CDH13: variants seen among roughly 807,000 people sequenced by gnomAD.
CDH13 encodes cadherin 13, also known as cadherin-13.
A neutral mutation model predicts 63.8 loss-of-function variants in CDH13; 24 were observed. That is an observed-to-expected ratio of 0.38 (90% confidence interval 0.27 to 0.53). CDH13 has a LOEUF of 0.53. Ranked by LOEUF, CDH13 falls within the 20% of genes least tolerant of loss-of-function variation. CDH13 has a pLI of 0.85. For synonymous variants in CDH13, 503 were observed against 355.3 expected (o/e 1.42, Z -4.67); for missense variants, 1,049 against 903.1 (o/e 1.16, Z -2.07).
intron 2 of CDH13, among the ~76,000 whole-genome samples, chr16:83,002,912 C>T (rs1383127719): frequency 2.6e-5 from 4 of 152,180 alleles, no homozygotes; most frequent in Admixed American, 2.0e-4. Flanking sequence ...TCAATTTACC[C>T]ATTGACTTAA....
At chr16:83,750,107 C>T (rs1013376111) in intron 11 of CDH13, among the ~76,000 whole-genome samples, 2 of 152,020 alleles carry the variant, frequency 1.3e-5, no homozygotes, top group African/African-American at 4.8e-5. Flanking sequence ...ACCAGCCTGG[C>T]CAATATGGTG....
chr16:82,664,948 T>C (rs1474296231), intron 1 of CDH13, among the ~76,000 whole-genome samples: 1 of 152,236 alleles, frequency 6.6e-6, no homozygotes, highest in Admixed American at 6.5e-5. Context: ...TCATTATTCA[T>C]GAATTCTGTC....
intron 6 of CDH13, among the ~76,000 whole-genome samples, chr16:83,384,677 G>C (rs989248687): frequency 6.6e-6 from 1 of 152,204 alleles, no homozygotes; most frequent in Non-Finnish European, 1.5e-5. Flanking sequence ...GGGGAGAGTG[G>C]TGAAGAGGAG....
chr16:83,318,541 G>T (rs1597733858), intron 5 of CDH13, among the ~76,000 whole-genome samples: 3 of 152,330 alleles, frequency 2.0e-5, no homozygotes, highest in Admixed American at 6.5e-5. Context: ...CACGTAAGCT[G>T]TTGCTTTCAT....
intron 1 of CDH13, among the ~76,000 whole-genome samples, chr16:82,849,546 G>A (rs2039396355): frequency 6.6e-6 from 1 of 152,144 alleles, no homozygotes; most frequent in African/African-American, 2.4e-5. Flanking sequence ...AGCAGGAAGT[G>A]CTGATATAGA....
chr16:82,810,707 C>T (rs769349709), intron 1 of CDH13, among the ~76,000 whole-genome samples: 2 of 152,068 alleles, frequency 1.3e-5, no homozygotes, highest in Non-Finnish European at 2.9e-5. Context: ...GGGGGGTGCT[C>T]CCAACCCTTC....
intron 3 of CDH13, among the ~76,000 whole-genome samples, chr16:83,078,553 C>T (rs1170476629): frequency 6.6e-6 from 1 of 152,198 alleles, no homozygotes; most frequent in African/African-American, 2.4e-5. Flanking sequence ...GTCAGAGGCA[C>T]ATCTCCTGCT....
intron 6 of CDH13, among the ~76,000 whole-genome samples, chr16:83,447,456 G>A (rs117046634): frequency 0.025 from 3,797 of 152,160 alleles, 75 homozygotes; most frequent in Non-Finnish European, 0.035. Context: ...TGAAGCAGAT[G>A]AGTTACTGTG....
intron 3 of CDH13, among the ~76,000 whole-genome samples, chr16:83,035,711 G>T (rs1046701441): frequency 3.9e-5 from 6 of 152,166 alleles, no homozygotes; most frequent in Non-Finnish European, 7.3e-5. Context: ...ATGTTGGCCT[G>T]TCTTCATGGT....
intron 1 of CDH13, among the ~76,000 whole-genome samples, chr16:82,630,223 C>G (rs1907838367): frequency 6.6e-6 from 1 of 152,090 alleles, no homozygotes; most frequent in Non-Finnish European, 1.5e-5. Context: ...GAGGGTGCTG[C>G]CCCCTCCCCC....
intron 10 of CDH13, among the ~76,000 whole-genome samples, chr16:83,693,943 A>G (rs942013745): frequency 6.6e-6 from 1 of 152,226 alleles, no homozygotes; most frequent in African/African-American, 2.4e-5. Flanking sequence ...GAAATGAATC[A>G]GAGGAGACTG....
At chr16:83,095,988 G>GCT (rs1567824867) in intron 3 of CDH13, among the ~76,000 whole-genome samples, 4 of 152,186 alleles carry the variant, frequency 2.6e-5, no homozygotes, top group African/African-American at 9.7e-5. Context: ...TTTAAAGGTT[G>GCT]AACATGTCTT....
chr16:82,911,510 G>A (rs777605527), intron 2 of CDH13, among the ~76,000 whole-genome samples: 61 of 152,130 alleles, frequency 4.0e-4, no homozygotes, highest in Non-Finnish European at 7.6e-4. Context: ...GTACTGTCCT[G>A]GTTAAATCCT....
intron 3 of CDH13, among the ~76,000 whole-genome samples, chr16:83,045,505 C>A (rs1917695450): frequency 6.6e-6 from 1 of 151,822 alleles, no homozygotes; most frequent in Admixed American, 6.6e-5. Flanking sequence ...GGCGTGGTGG[C>A]AGGTGCCTGT....
rs189045396 is a variant in CDH13, at chr16:83,018,219, G to T, written c.158-13791G>T. ...AATGGTTGAAATATCGGATTATGGG[G>T]ATTGGAGTGAAATGGAACACTGACC... is the stretch of plus-strand genomic sequence containing the variant. On this transcript the variant is annotated intron_variant, in intron 2 of 13. Transcript: ENST00000567109. Among the ~76,000 whole-genome samples the T allele has an allele frequency of 1.2e-4, 19 of 152,218 alleles. No homozygotes were observed. The East Asian group carries it at 3.7e-3, about 29-fold the overall frequency.
chr16:82,699,869 G>T (rs1567640792), intron 1 of CDH13, among the ~76,000 whole-genome samples: 1 of 152,208 alleles, frequency 6.6e-6, no homozygotes, highest in African/African-American at 2.4e-5. Flanking sequence ...GCTTATGAAG[G>T]TCCACATGGG....
chr16:82,982,265 A>C (rs888976596), intron 2 of CDH13, among the ~76,000 whole-genome samples: 7 of 152,150 alleles, frequency 4.6e-5, no homozygotes, highest in African/African-American at 1.7e-4. Context: ...CTTATCTTAT[A>C]AATAATAAGA....
intron 6 of CDH13, among the ~76,000 whole-genome samples, chr16:83,364,596 G>A (rs2091224101): frequency 1.3e-5 from 2 of 152,086 alleles, no homozygotes; most frequent in African/African-American, 4.8e-5. Context: ...TTTACCATTG[G>A]CCCAGAGGAA....
chr16:82,993,357 C>G (rs1282960221), intron 2 of CDH13, among the ~76,000 whole-genome samples: 1 of 152,038 alleles, frequency 6.6e-6, no homozygotes, highest in African/African-American at 2.4e-5. Context: ...GCTTATTAAA[C>G]TACTGATTTA....
Sources: gnomAD v4.1 joint callset for allele counts (sites outside exome capture counted in the v4.1 genomes callset) on GRCh38, gnomAD v4.1.1 for gene constraint, MANE v1.5 for transcripts, NCBI Gene and HGNC (gene_info 2026-07-23, HGNC 2026-07-21) for gene names.